The following DGKH variants were observed in gnomAD, a reference collection of about 807,000 sequenced individuals.
DGKH encodes the protein DAG kinase eta.
In DGKH, 90 loss-of-function variants were observed where a neutral mutation model predicts 159.3. The ratio of observed to expected loss-of-function variants is 0.57; its 90% CI spans 0.48 to 0.67. The LOEUF (loss-of-function observed/expected upper bound fraction) is 0.67. DGKH is among the 30% of genes least tolerant of loss of function. The pLI is 0.00. For synonymous variants in DGKH, 536 were observed against 553.8 expected (o/e 0.97, Z 0.45); for missense variants, 1,181 against 1,506.1 (o/e 0.78, Z 3.57).
At chr13:42,226,578 G>A (rs1365073110) in intron 29 of DGKH, among the ~76,000 whole-genome samples, 5 of 152,066 alleles carry the variant, frequency 3.3e-5, no homozygotes, top group Non-Finnish European at 7.4e-5. Flanking sequence ...TGGATAGGCC[G>A]GGTGTGGTGG....
At chr13:42,180,419 T>TG (rs1392000950) in intron 13 of DGKH, among the ~76,000 whole-genome samples, 14 of 152,242 alleles carry the variant, frequency 9.2e-5, no homozygotes, top group Admixed American at 3.9e-4. Context: ...TTCCTATTTG[T>TG]GGGGGATATG....
chr13:42,188,018 T>TG (rs1159381521), intron 14 of DGKH, among the ~76,000 whole-genome samples: 1 of 151,822 alleles, frequency 6.6e-6, no homozygotes, highest in Non-Finnish European at 1.5e-5. Context: ...AGGAATTAAC[T>TG]TCCCCAAATC....
chr13:42,198,458 G>C lies in DGKH; in HGVS notation c.2168-20G>C. 6.2e-7 allele frequency: 1 copy of C among 1,601,638 alleles called. No individual in the cohort carries two copies. The highest frequency in any genetic ancestry group is 1.1e-5 in the South Asian group (1 of 90,192). On this transcript the variant is annotated intron_variant, in intron 17 of 29. Coordinates refer to ENST00000337343, the MANE Select transcript of DGKH (RefSeq NM_178009.5). ...TTTTTCTTAACATGCGATCCCATAT[G>C]TGTTTGCTTTTCTTTCCAGGTTTAA...
rs1881152240 is a variant in DGKH at position 42,050,007 on chromosome 13, C to G, written c.192+1042C>G. ...AAAATAAATTTGCAAAAAATTCATT[C>G]TACAGTTATTTTTATGAAAAATTTT... On this transcript the variant is annotated intron_variant, in intron 1 of 29. Transcript: ENST00000337343. Among the ~76,000 whole-genome samples, 3 of 152,152 alleles carry G rather than the reference C, an allele frequency of 2.0e-5. No individual in the cohort carries two copies. In the South Asian group the frequency reaches 6.2e-4, roughly 32 times the overall value.
At chr13:42,111,014 G>T (rs1954853444) in intron 1 of DGKH, among the ~76,000 whole-genome samples, 1 of 151,898 alleles carries the variant, frequency 6.6e-6, no homozygotes, top group African/African-American at 2.4e-5. Context: ...GTTTACCTAC[G>T]TAACAAACCT....
In DGKH at chr13:42,142,806, T is replaced by C. The variant is rs145956240; in HGVS notation, c.385-12485T>C. On this transcript the variant is annotated intron_variant, in intron 3 of 29. Coordinates refer to ENST00000337343, the MANE Select transcript of DGKH (RefSeq NM_178009.5). ...TTAAGGAGATTTTGGGCTGAGACGA[T>C]GGGGTTTTCTAGATATGCAATCATG... is the stretch of plus-strand genomic sequence containing the variant. Among the ~76,000 whole-genome samples the C allele has an allele frequency of 4.7e-4, 72 of 152,300 alleles. 2 individuals carry two copies. Among genetic ancestry groups the C allele is most frequent in the African/African-American group, 1.7e-3 (70 of 41,558 alleles).
chr13:42,184,073 C>A (rs564928407), intron 13 of DGKH, among the ~76,000 whole-genome samples: 1 of 152,108 alleles, frequency 6.6e-6, no homozygotes, highest in Non-Finnish European at 1.5e-5. Flanking sequence ...TAGGCCAACC[C>A]GCCTCATTTA....
rs149276865 is a variant in DGKH at position 42,149,389 on chromosome 13, G to A, written c.385-5902G>A. On this transcript the variant is annotated intron_variant, in intron 3 of 29. Transcript: ENST00000337343. ...AAGGGTCTTGTAAGCCATGCCAAGTGGTTTAGAAGATGACAGGAACCTACT... is the reference window on the plus strand; with the variant it reads ...AAGGGTCTTGTAAGCCATGCCAAGTAGTTTAGAAGATGACAGGAACCTACT... Among the ~76,000 whole-genome samples, 15 of 152,262 alleles carry A rather than the reference G, an allele frequency of 9.9e-5. No homozygotes were observed. In the East Asian group the frequency reaches 2.9e-3, roughly 29 times the overall value.
Position 42,061,009 on chromosome 13 carries a change from C to G in DGKH, c.192+12044C>G, listed in dbSNP as rs117323881. ...ACACACAGGAGGAGTTTAGGAGCGG[C>G]GGTTTAATAGGTAGAATAAAAGAGA... On this transcript the variant is annotated intron_variant, in intron 1 of 29. Transcript: ENST00000337343. 3.3e-5 allele frequency among the ~76,000 whole-genome samples: 5 copies of G among 152,064 alleles called. No homozygotes were observed. The East Asian group carries it at 9.6e-4, about 29-fold the overall frequency.
chr13:42,222,526 G>A (rs1958005524), intron 29 of DGKH, among the ~76,000 whole-genome samples: 1 of 152,204 alleles, frequency 6.6e-6, no homozygotes, highest in South Asian at 2.1e-4. Context: ...CTGGAACATA[G>A]CAAAATATGT....
intron 29 of DGKH, among the ~76,000 whole-genome samples, chr13:42,222,041 A>G (rs1053023177): frequency 1.3e-5 from 2 of 152,176 alleles, no homozygotes; most frequent in African/African-American, 4.8e-5. Context: ...CTCAGAGCCT[A>G]TTTGTGAATT....
chr13:42,161,366 C>T (rs927774135), intron 7 of DGKH, among the ~76,000 whole-genome samples: 2 of 152,160 alleles, frequency 1.3e-5, no homozygotes, highest in Non-Finnish European at 2.9e-5. Context: ...AAAGAAAACA[C>T]GGCCGGGCGC....
At chr13:42,145,395 T>C (rs1461732916) in intron 3 of DGKH, among the ~76,000 whole-genome samples, 1 of 152,188 alleles carries the variant, frequency 6.6e-6, no homozygotes, top group Non-Finnish European at 1.5e-5. Flanking sequence ...TGAGACTTGC[T>C]GGTAGCACAT....
Position 42,190,241 on chromosome 13 carries a change from G to T in DGKH, c.1913-162G>T, listed in dbSNP as rs536538809. Reference sequence around the variant, plus strand: ...TAGCAACTTTAGTTTTTGATCTTTAGTTCTTCGGACATCAACCCCAAGTTC... The same window carrying T: ...TAGCAACTTTAGTTTTTGATCTTTATTTCTTCGGACATCAACCCCAAGTTC... On this transcript the variant is annotated intron_variant, in intron 15 of 29. Transcript: ENST00000337343. Among the ~76,000 whole-genome samples, 7 of 152,044 alleles carry T rather than the reference G, an allele frequency of 4.6e-5. No homozygotes were observed. The South Asian group carries it at 1.2e-3, about 27-fold the overall frequency.
rs985708095 is a variant in DGKH at position 42,069,098 on chromosome 13, TC to T, written c.192+20135del. On this transcript the variant is annotated intron_variant, in intron 1 of 29. Transcript: ENST00000337343. Reference sequence around the variant, plus strand: ...CTCGAGCTGCTTATTAAAGAGGAACTCCTCACTGTTGTTCAGAAATCCTTCC... The same window carrying T: ...CTCGAGCTGCTTATTAAAGAGGAACTCTCACTGTTGTTCAGAAATCCTTCC... The T allele has an allele frequency of 2.9e-5, 41 of 1,400,388 alleles. No individual in the cohort carries two copies. The African/African-American group carries it at 3.7e-4, about 13-fold the overall frequency. 86.7% of individuals were successfully genotyped at this position (1,400,388 alleles called of 1,614,324 possible).
chr13:42,116,818 A>G (rs1483310043), intron 1 of DGKH, among the ~76,000 whole-genome samples: 1 of 152,260 alleles, frequency 6.6e-6, no homozygotes, highest in African/African-American at 2.4e-5. Flanking sequence ...AGGGCATGAA[A>G]TGAGCAATTC....
At chr13:42,106,579 GT>G (rs1954761914) in intron 1 of DGKH, among the ~76,000 whole-genome samples, 1 of 152,212 alleles carries the variant, frequency 6.6e-6, no homozygotes, top group African/African-American at 2.4e-5. Flanking sequence ...AGAGTGGCAT[GT>G]GGGTAGGATG....
intron 16 of DGKH, 42 bp from the exon 17 acceptor site, chr13:42,194,843 C>A: frequency 6.3e-7 from 1 of 1,585,046 alleles, no homozygotes; most frequent in Non-Finnish European, 8.6e-7. Flanking sequence ...ATTTTTATAG[C>A]TTTATCATTA....
chr13:42,119,791 T>A (rs1955033861), intron 1 of DGKH, among the ~76,000 whole-genome samples: 1 of 152,244 alleles, frequency 6.6e-6, no homozygotes, highest in Non-Finnish European at 1.5e-5. Flanking sequence ...TGTATGTTTT[T>A]AAATGAATAC....
Sources: gnomAD v4.1 joint callset for allele counts (sites outside exome capture counted in the v4.1 genomes callset) on GRCh38, gnomAD v4.1.1 for gene constraint, MANE v1.5 for transcripts, NCBI Gene and HGNC (gene_info 2026-07-23, HGNC 2026-07-21) for gene names.